The following NGEF variants were observed in gnomAD, a reference collection of about 807,000 sequenced individuals.
NGEF encodes neuronal guanine nucleotide exchange factor, also known as ephexin-1.
Under a neutral mutation model 80.9 loss-of-function variants are expected in NGEF, and 31 were observed. The observed-to-expected ratio is 0.38, with a 90% CI of 0.29 to 0.52. The LOEUF is 0.52. NGEF is among the 20% of genes least tolerant of loss of function. The probability of loss-of-function intolerance (pLI) is 0.84; values close to 1 mark genes in which losing one functional copy is unlikely to be tolerated. For missense variants in NGEF, 709 were observed against 926.2 expected (o/e 0.77, Z 3.04); for synonymous variants, 371 against 370.2 (o/e 1.00, Z -0.03).
chr2:232,946,078 T>TGC (rs1693551558), intron 3 of NGEF, among the ~76,000 whole-genome samples: 1 of 150,906 alleles, frequency 6.6e-6, no homozygotes, highest in South Asian at 2.1e-4. Context: ...TATATATATA[T>TGC]GCACACAATG....
intron 1 of NGEF, among the ~76,000 whole-genome samples, chr2:232,983,638 G>A (rs1210569951): frequency 2.0e-5 from 3 of 152,146 alleles, no homozygotes; most frequent in Non-Finnish European, 4.4e-5. Context: ...GCAAGAATGT[G>A]CGGGGGAAGC....
intron 3 of NGEF, among the ~76,000 whole-genome samples, chr2:232,931,564 A>T (rs1265813307): frequency 6.6e-6 from 1 of 152,262 alleles, no homozygotes; most frequent in Non-Finnish European, 1.5e-5. Context: ...ATGAGAAAAC[A>T]TTCAGAAGAG....
chr2:232,900,247 GTCAC>G (rs1342912230), intron 5 of NGEF, among the ~76,000 whole-genome samples: 14 of 95,722 alleles, frequency 1.5e-4, no homozygotes, highest in African/African-American at 5.1e-4. Context: ...CACGCTCTCA[GTCAC>G]TCATATACAC....
chr2:232,931,702 G>A (rs1693217903), intron 3 of NGEF, among the ~76,000 whole-genome samples: 1 of 152,130 alleles, frequency 6.6e-6, no homozygotes, highest in South Asian at 2.1e-4. Context: ...AGTGCCAGCT[G>A]GGCCTGAGGA....
At chr2:232,900,191 C>T (rs111162801) in intron 5 of NGEF, among the ~76,000 whole-genome samples, 26 of 137,104 alleles carry the variant, frequency 1.9e-4, no homozygotes, top group East Asian at 4.3e-4. Flanking sequence ...TTCACACACA[C>T]GCTCTCACAG....
At chr2:232,920,635 A>G in intron 4 of NGEF, 50 bp from the exon 5 acceptor site, 2 of 1,482,794 alleles carry the variant, frequency 1.3e-6, no homozygotes, top group African/African-American at 1.4e-5. Flanking sequence ...TCAGATGACA[A>G]TCATTAGAAA....
intron 5 of NGEF, among the ~76,000 whole-genome samples, chr2:232,897,059 G>C (rs1367412295): frequency 7.7e-6 from 1 of 129,642 alleles, no homozygotes; most frequent in African/African-American, 3.0e-5. Flanking sequence ...GGTAAGGGTG[G>C]GAGTAGGGGT....
intron 1 of NGEF, among the ~76,000 whole-genome samples, chr2:232,976,804 G>A (rs552207848): frequency 6.6e-6 from 1 of 152,306 alleles, no homozygotes; most frequent in South Asian, 2.1e-4. Flanking sequence ...TCCCCACCAC[G>A]GTCGTCTGGG....
intron 3 of NGEF, chr2:232,969,989 A>G (rs1694152228): frequency 3.7e-6 from 1 of 269,120 alleles, no homozygotes; most frequent in Non-Finnish European, 6.9e-6. Flanking sequence ...ACATAGCAAG[A>G]CCACATCACT....
intron 4 of NGEF, among the ~76,000 whole-genome samples, chr2:232,922,611 T>C (rs1459087087): frequency 6.6e-6 from 1 of 152,220 alleles, no homozygotes; most frequent in Non-Finnish European, 1.5e-5. Context: ...GGCCGACTAT[T>C]GCGACGTCAA....
At chr2:232,882,405 C>T in intron 12 of NGEF, 140 bp from the exon 13 acceptor site, 1 of 744,464 alleles carries the variant, frequency 1.3e-6, no homozygotes, top group Non-Finnish European at 2.2e-6. Flanking sequence ...CCAGGGACAG[C>T]TCGGGGGAGC....
chr2:232,966,813 A>G (rs981632212), intron 3 of NGEF, among the ~76,000 whole-genome samples: 1 of 151,860 alleles, frequency 6.6e-6, no homozygotes, highest in African/African-American at 2.4e-5. Context: ...CCGGGTTGTC[A>G]GTTACTTTTA....
intron 3 of NGEF, among the ~76,000 whole-genome samples, chr2:232,935,742 A>G (rs1357702759): frequency 1.3e-5 from 2 of 152,212 alleles, no homozygotes; most frequent in Non-Finnish European, 2.9e-5. Context: ...CACTTATTCT[A>G]TTTTCAGGGT....
intron 3 of NGEF, among the ~76,000 whole-genome samples, chr2:232,965,385 C>G (rs2106317020): frequency 1.3e-5 from 2 of 152,268 alleles, no homozygotes; most frequent in South Asian, 4.1e-4. Flanking sequence ...TGCTCAAAAT[C>G]AGCCGCGACA....
intron 3 of NGEF, among the ~76,000 whole-genome samples, chr2:232,935,850 G>A (rs1693316022): frequency 6.6e-6 from 1 of 152,096 alleles, no homozygotes; most frequent in Admixed American, 6.6e-5. Context: ...CTTTTTGGTA[G>A]TGAGAAGACA....
chr2:232,884,259 G>A, intron 10 of NGEF, 115 bp from the exon 11 acceptor site: 13 of 1,230,746 alleles, frequency 1.1e-5, no homozygotes, highest in Non-Finnish European at 1.4e-5. Flanking sequence ...CCCGACACAT[G>A]AGGCACAAGT....
At position 233,013,189 on chromosome 2, in the gene NGEF, A is replaced by G. The variant is rs1181237083; in HGVS notation, c.-196T>C. The G allele has an allele frequency of 4.2e-6, 2 of 470,798 alleles. No individual in the cohort carries two copies. The highest frequency in any genetic ancestry group is 3.1e-5 in the South Asian group (2 of 64,540). The allele number at this position is 470,798 out of a possible 1,614,324, so 29.2% of individuals were successfully genotyped here. A position where few individuals can be genotyped will look rare whatever the true frequency, so the allele number is the denominator to read the frequency against. On this transcript the variant is annotated 5_prime_UTR_variant, in exon 1 of 15. Coordinates refer to ENST00000264051, the MANE Select transcript of NGEF (RefSeq NM_019850.3). ...CCCCGGCTAAATCCACAGGCGCTCC[A>G]CTCTGTCCCAGAGAGCCCACAGCCA...
chr2:232,972,894 T>C (rs1045894199), intron 2 of NGEF, among the ~76,000 whole-genome samples: 1 of 151,862 alleles, frequency 6.6e-6, no homozygotes, highest in African/African-American at 2.4e-5. Context: ...GTAGCTGGCA[T>C]TACAAGCATG....
At chr2:232,946,614 T>A (rs551197005) in intron 3 of NGEF, among the ~76,000 whole-genome samples, 37 of 152,318 alleles carry the variant, frequency 2.4e-4, no homozygotes, top group African/African-American at 8.7e-4. Context: ...CGAGCACATC[T>A]AATGCCCAGA....
Sources: allele counts gnomAD v4.1 joint callset (sites outside exome capture counted in the v4.1 genomes callset), GRCh38; gene constraint gnomAD v4.1.1; transcripts MANE v1.5; gene names NCBI Gene and HGNC (gene_info 2026-07-23, HGNC 2026-07-21).